Variants in IL5RA observed in about 807,000 individuals in gnomAD.
IL5RA encodes interleukin-5 receptor subunit alpha.
In IL5RA, 49 loss-of-function variants were observed where a neutral mutation model predicts 50.0. The observed-to-expected ratio is 0.98, with a 90% confidence interval of 0.78 to 1.24. IL5RA has a LOEUF of 1.24. IL5RA is among the 50% of genes most tolerant of loss of function. IL5RA has a pLI of 0.00. For synonymous variants in IL5RA, 202 were observed against 174.0 expected, an observed-to-expected ratio of 1.16 and a Z score of -1.26; for missense variants, 600 against 500.4, an observed-to-expected ratio of 1.20 and a Z score of -1.90.
In IL5RA at chr3:3,074,867, C is replaced by G. The variant is rs1702423028; in HGVS notation, c.1092-1G>C. The G allele has an allele frequency of 1.3e-6, 2 of 1,589,184 alleles. No individual in the cohort carries two copies. Among genetic ancestry groups the G allele is most frequent in the Non-Finnish European group, 1.7e-6 (2 of 1,157,430 alleles). On this transcript the variant is annotated splice_acceptor_variant, in intron 10 of 11. Coordinates refer to ENST00000446632, the MANE Select transcript of IL5RA (RefSeq NM_175726.4). LOFTEE classifies it high-confidence loss of function. ...AAACAACTTGATCCATAAATGACAT[C>G]TGAAAACAGAGTAAAGAAGGAATTA... is the stretch of plus-strand genomic sequence containing the variant.
chr3:3,106,080 A>T (rs1703909760), intron 2 of IL5RA, among the ~76,000 whole-genome samples: 1 of 152,202 alleles, frequency 6.6e-6, no homozygotes, highest in South Asian at 2.1e-4. Flanking sequence ...CTACCCATGA[A>T]GGAAAGGAGT....
chr3:3,076,576 G>A lies in IL5RA; in HGVS notation c.1046C>T (p.Ala349Val), dbSNP rs1198217715. 6.2e-7 allele frequency: 1 copy of A among 1,612,598 alleles called. No individual in the cohort carries two copies. Among genetic ancestry groups the A allele is most frequent in the South Asian group, 1.1e-5 (1 of 90,986 alleles). The change falls in exon 10 of 12, where the codon GCA becomes GTA. Residue 349 changes from alanine (A) to valine (V), a missense_variant. Physicochemically the swap from Ala to Val is moderately conservative, Grantham distance 64. Coordinates refer to ENST00000446632, the MANE Select transcript of IL5RA (RefSeq NM_175726.4). ...AATTAACAAGATGAAGCAGATGGTT[G>A]CCATAATCACAATGACAAACCACTC... The part of the protein sequence containing the change: ...LREWFVIVIM[A>V]TICFILLILS...
chr3:3,074,684 C>T, intron 11 of IL5RA, 98 bp downstream of exon 11: 2 of 665,068 alleles, frequency 3.0e-6, no homozygotes, highest in Non-Finnish European at 5.3e-6. Context: ...TGAGTAAAAA[C>T]CCTGCCTTAT....
rs1218231824 is a variant in IL5RA at position 3,104,931 on chromosome 3, C to G, written c.54G>C (p.Leu18=). The G allele has an allele frequency of 1.2e-6, 2 of 1,612,196 alleles. No homozygotes were observed. The highest frequency in any genetic ancestry group is 2.2e-5 in the East Asian group (1 of 44,856). Residue 18 remains leucine, a synonymous_variant, in exon 3 of 12, where the codon CTG becomes CTC. Transcript: ENST00000446632. ...LLILLGATEI[L]QADLLPDEKI... is the part of the protein sequence containing the mutation. ...TTTCATCAGGAAGTAAGTCAGCTTG[C>G]AGTATCTCAGTGGCCCCCAAAAGGA...
chr3:3,066,364 T>C lies in IL5RA; in HGVS notation c.*3861A>G, dbSNP rs1481440762. 1 of 152,132 alleles carries C rather than the reference T, an allele frequency of 6.6e-6. No individual in the cohort carries two copies. Among genetic ancestry groups the C allele is most frequent in the East Asian group, 1.9e-4 (1 of 5,194 alleles). 9.4% of individuals were successfully genotyped at this position (152,132 alleles called of 1,614,324 possible). ...GTTTAATATTTCTCATTCTGAAACATATTTATATTCACATCTATTACCTAC... is the reference window on the plus strand; with the variant it reads ...GTTTAATATTTCTCATTCTGAAACACATTTATATTCACATCTATTACCTAC... On this transcript the variant is annotated 3_prime_UTR_variant, in exon 12 of 12. Transcript: ENST00000446632.
At chr3:3,070,880 C>T (rs374007884) in intron 11 of IL5RA, among the ~76,000 whole-genome samples, 2 of 151,966 alleles carry the variant, frequency 1.3e-5, no homozygotes, top group African/African-American at 4.8e-5. Flanking sequence ...CACGCCCGGC[C>T]GGATACACAT....
At chr3:3,087,430 C>G (rs1702912668) in intron 9 of IL5RA, among the ~76,000 whole-genome samples, 1 of 152,154 alleles carries the variant, frequency 6.6e-6, no homozygotes, top group Non-Finnish European at 1.5e-5. Flanking sequence ...TCTCATCAAT[C>G]AAAACTTACT....
intron 2 of IL5RA, among the ~76,000 whole-genome samples, chr3:3,106,669 C>T (rs1193447486): frequency 6.6e-6 from 1 of 152,052 alleles, no homozygotes; most frequent in African/African-American, 2.4e-5. Flanking sequence ...TAGTAATCTA[C>T]TAAGCCTGAG....
At chr3:3,095,170 G>T in intron 8 of IL5RA, 129 bp downstream of exon 8, 2 of 654,450 alleles carry the variant, frequency 3.1e-6, no homozygotes, top group South Asian at 3.9e-5. Flanking sequence ...ATAATACCTG[G>T]GTAGATTAAG....
rs1702248768 is a variant in IL5RA, at chr3:3,070,150, A to T, written c.*75T>A. 1 of 953,620 alleles carries T rather than the reference A, an allele frequency of 1.0e-6. No homozygotes were observed. The highest frequency in any genetic ancestry group is 1.7e-5 in the African/African-American group (1 of 60,314). The allele number at this position is 953,620 out of a possible 1,614,324, so 59.1% of individuals were successfully genotyped here. On this transcript the variant is annotated 3_prime_UTR_variant, in exon 12 of 12. Transcript: ENST00000446632. Reference sequence around the variant, plus strand: ...CTAAATTCTGAACACCTCTTAGCCAAGAGCCAGCATCCCTGTTCTTTTCAC... The same window carrying T: ...CTAAATTCTGAACACCTCTTAGCCATGAGCCAGCATCCCTGTTCTTTTCAC...
intron 9 of IL5RA, among the ~76,000 whole-genome samples, chr3:3,081,281 C>T (rs1380269922): frequency 6.6e-6 from 1 of 152,178 alleles, no homozygotes; most frequent in Non-Finnish European, 1.5e-5. Flanking sequence ...CAAATACCGT[C>T]TTACTTTATT....
chr3:3,083,231 C>A (rs1702727808), intron 9 of IL5RA, among the ~76,000 whole-genome samples: 1 of 152,132 alleles, frequency 6.6e-6, no homozygotes, highest in Non-Finnish European at 1.5e-5. Flanking sequence ...GCTTTCAAGG[C>A]AGCTGTCAAA....
Position 3,066,367 on chromosome 3 carries a change from T to A in IL5RA, c.*3858A>T, listed in dbSNP as rs1247852068. The A allele has an allele frequency of 1.3e-5, 2 of 152,154 alleles. No homozygotes were observed. Among genetic ancestry groups the A allele is most frequent in the African/African-American group, 4.8e-5 (2 of 41,428 alleles). 9.4% of individuals were successfully genotyped at this position (152,154 alleles called of 1,614,324 possible). ...TAATATTTCTCATTCTGAAACATATTTATATTCACATCTATTACCTACAAA... is the reference window on the plus strand; with the variant it reads ...TAATATTTCTCATTCTGAAACATATATATATTCACATCTATTACCTACAAA... On this transcript the variant is annotated 3_prime_UTR_variant, in exon 12 of 12. Transcript: ENST00000446632.
At chr3:3,096,754 C>A (rs1359727389) in intron 7 of IL5RA, among the ~76,000 whole-genome samples, 2 of 152,154 alleles carry the variant, frequency 1.3e-5, no homozygotes, top group African/African-American at 4.8e-5. Flanking sequence ...AATTGCATAA[C>A]CTCTTTAGTA....
intron 9 of IL5RA, among the ~76,000 whole-genome samples, chr3:3,078,491 C>G (rs979036306): frequency 6.6e-6 from 1 of 152,210 alleles, no homozygotes; most frequent in African/African-American, 2.4e-5. Flanking sequence ...GCTTTGCCAT[C>G]TCTCTCCACT....
At chr3:3,099,562 G>A (rs551021278) in intron 5 of IL5RA, among the ~76,000 whole-genome samples, 7 of 152,088 alleles carry the variant, frequency 4.6e-5, no homozygotes, top group South Asian at 2.1e-4. Flanking sequence ...TGGGGAGGTC[G>A]AGGCTGCAAT....
chr3:3,091,457 C>T (rs978524505), intron 9 of IL5RA, among the ~76,000 whole-genome samples: 25 of 152,098 alleles, frequency 1.6e-4, no homozygotes, highest in African/African-American at 4.8e-4. Flanking sequence ...TATGGCTCGG[C>T]ACAGCGGCTC....
intron 11 of IL5RA, 98 bp downstream of exon 11, chr3:3,074,684 C>G: frequency 1.5e-6 from 1 of 665,068 alleles, no homozygotes; most frequent in Non-Finnish European, 2.6e-6. Context: ...TGAGTAAAAA[C>G]CCTGCCTTAT....
At chr3:3,106,692 A>C (rs935900268) in intron 2 of IL5RA, among the ~76,000 whole-genome samples, 5 of 152,296 alleles carry the variant, frequency 3.3e-5, no homozygotes, top group Admixed American at 2.0e-4. Context: ...GCAAAGATAA[A>C]AATTCCTTAA....
Sources: gnomAD v4.1 joint callset for allele counts (sites outside exome capture counted in the v4.1 genomes callset) on GRCh38, gnomAD v4.1.1 for gene constraint, MANE v1.5 for transcripts, NCBI Gene and HGNC (gene_info 2026-07-23, HGNC 2026-07-21) for gene names.